Variants in UBASH3B observed in about 807,000 individuals in gnomAD.
UBASH3B encodes ubiquitin associated and SH3 domain containing B.
Under a neutral mutation model 83.4 loss-of-function variants are expected in UBASH3B, and 37 were observed. The ratio of observed to expected loss-of-function variants is 0.44; its 90% CI spans 0.34 to 0.58. The LOEUF (loss-of-function observed/expected upper bound fraction) is 0.58. UBASH3B is among the 20% of genes least tolerant of loss of function. The pLI, the probability that UBASH3B is intolerant of heterozygous loss-of-function variation, is 0.01. For missense variants in UBASH3B, 657 were observed against 827.2 expected (o/e 0.79, Z 2.52); for synonymous variants, 304 against 318.3 (o/e 0.96, Z 0.48).
chr11:122,736,428 C>T (rs956716645), intron 1 of UBASH3B, among the ~76,000 whole-genome samples: 2 of 151,548 alleles, frequency 1.3e-5, no homozygotes, highest in African/African-American at 4.9e-5. Flanking sequence ...GCCTTTTTCT[C>T]CAAGAAGTTC....
At chr11:122,738,564 A>T (rs1860972741) in intron 1 of UBASH3B, among the ~76,000 whole-genome samples, 1 of 152,216 alleles carries the variant, frequency 6.6e-6, no homozygotes, top group Non-Finnish European at 1.5e-5. Context: ...AAGAGGCAGG[A>T]AGAGCTACGG....
intron 1 of UBASH3B, among the ~76,000 whole-genome samples, chr11:122,766,533 A>G (rs546826569): frequency 6.6e-6 from 1 of 152,064 alleles, no homozygotes; most frequent in African/African-American, 2.4e-5. Context: ...CGACGGAGCC[A>G]GCGAGACTCC....
intron 1 of UBASH3B, among the ~76,000 whole-genome samples, chr11:122,683,256 AG>A (rs1479828101): frequency 2.1e-5 from 3 of 142,210 alleles, no homozygotes; most frequent in South Asian, 2.2e-4. Flanking sequence ...AAAAAAAAAA[AG>A]TCTTAGATGT....
chr11:122,770,462 T>G (rs1313914926), intron 1 of UBASH3B, among the ~76,000 whole-genome samples: 2 of 10,922 alleles, frequency 1.8e-4, no homozygotes, highest in African/African-American at 9.5e-4. Context: ...TCTTAAGTGT[T>G]TTTTTTTTTT....
At chr11:122,783,994 G>A (rs1320711730) in intron 5 of UBASH3B, among the ~76,000 whole-genome samples, 1 of 150,924 alleles carries the variant, frequency 6.6e-6, no homozygotes, top group Admixed American at 6.6e-5. Flanking sequence ...AGGCTGGAGT[G>A]CAATGGCACG....
At chr11:122,681,386 G>A (rs1863736432) in intron 1 of UBASH3B, among the ~76,000 whole-genome samples, 1 of 152,160 alleles carries the variant, frequency 6.6e-6, no homozygotes, top group Non-Finnish European at 1.5e-5. Flanking sequence ...GCTCACAGAG[G>A]AAATGGAGTT....
Position 122,806,490 on chromosome 11 carries a change from AAAT to A in UBASH3B, c.1682_1684del (p.Ile561del). 1 of 1,605,944 alleles carries A rather than the reference AAAT, an allele frequency of 6.2e-7. No individual in the cohort carries two copies. The highest frequency in any genetic ancestry group is 1.1e-5 in the South Asian group (1 of 88,384). ...AGTAGAAGTTTCCAAGTAACAAAAG[AAAT>A]AATAAGTGAATGTAAAAGTAAAGGT... On this transcript the variant is annotated inframe_deletion, in exon 12 of 14. Coordinates refer to ENST00000284273, the MANE Select transcript of UBASH3B (RefSeq NM_032873.5). The surrounding 1 kb of genome is among the most constrained non-coding windows in gnomAD (Gnocchi z 4.0).
At position 122,744,683 on chromosome 11, in the gene UBASH3B, GTT is replaced by G. The variant is rs369922399; in HGVS notation, c.162-31535_162-31534del. ...CAAATGTGTGTCACTGTGAGTGTGT[GTT>G]GTGGGTGTGATCACATGTGCAACTG... On this transcript the variant is annotated intron_variant, in intron 1 of 13. Transcript: ENST00000284273. Among the ~76,000 whole-genome samples the G allele has an allele frequency of 5.4e-3, 761 of 141,150 alleles. 9 individuals carry two copies. The highest frequency in any genetic ancestry group is 0.02 in the African/African-American group (728 of 37,002). The allele number at this position is 141,150 out of a possible 152,430, so 92.6% of individuals were successfully genotyped here.
At chr11:122,794,501 T>C (rs1861118700) in intron 6 of UBASH3B, among the ~76,000 whole-genome samples, 1 of 152,092 alleles carries the variant, frequency 6.6e-6, no homozygotes, top group Non-Finnish European at 1.5e-5. Flanking sequence ...CCGGCCTACC[T>C]CTAATTTATT....
intron 1 of UBASH3B, among the ~76,000 whole-genome samples, chr11:122,688,349 C>A (rs1184191567): frequency 6.6e-6 from 1 of 151,938 alleles, no homozygotes; most frequent in Non-Finnish European, 1.5e-5. Flanking sequence ...CTGTAACCTC[C>A]GCCTCCCTGA....
At chr11:122,731,609 C>G (rs1329721772) in intron 1 of UBASH3B, among the ~76,000 whole-genome samples, 3 of 152,118 alleles carry the variant, frequency 2.0e-5, no homozygotes, top group African/African-American at 7.2e-5. Context: ...TGTATCCAGA[C>G]TAGACAAAGG....
At chr11:122,716,087 G>C (rs562909552) in intron 1 of UBASH3B, among the ~76,000 whole-genome samples, 49 of 152,254 alleles carry the variant, frequency 3.2e-4, no homozygotes, top group Non-Finnish European at 6.6e-4. Context: ...TCGTGATGCA[G>C]TGTCCCTCTG....
intron 1 of UBASH3B, among the ~76,000 whole-genome samples, chr11:122,660,994 C>A (rs894802664): frequency 3.3e-5 from 5 of 151,990 alleles, no homozygotes; most frequent in African/African-American, 9.7e-5. Context: ...GTGTCACGGG[C>A]CTTTCCAAAG....
In UBASH3B at chr11:122,813,112, TA is replaced by T. The variant is rs1484838582; in HGVS notation, c.*3232del. ...AGATGATTTTGCAAAAAATAAAAAA[TA>T]AAAAATATGCCTTCTGGAGTGATGT... On this transcript the variant is annotated 3_prime_UTR_variant, in exon 14 of 14. Coordinates refer to ENST00000284273, the MANE Select transcript of UBASH3B (RefSeq NM_032873.5). 2.0e-5 allele frequency: 3 copies of T among 152,498 alleles called. No homozygotes were observed. Among genetic ancestry groups the T allele is most frequent in the African/African-American group, 7.2e-5 (3 of 41,446 alleles). The allele number at this position is 152,498 out of a possible 1,614,324, so 9.4% of individuals were successfully genotyped here.
chr11:122,657,390 GC>G (rs58305697), intron 1 of UBASH3B, among the ~76,000 whole-genome samples: 2 of 152,206 alleles, frequency 1.3e-5, no homozygotes, highest in African/African-American at 4.8e-5. Context: ...CCAGGTTCAA[GC>G]GATTCTCCCA....
intron 1 of UBASH3B, among the ~76,000 whole-genome samples, chr11:122,660,122 G>T (rs138123322): frequency 6.6e-6 from 1 of 152,332 alleles, no homozygotes; most frequent in East Asian, 1.9e-4. Flanking sequence ...CTCAAGCAGG[G>T]TGACCTCAGG....
chr11:122,715,233 CTG>C (rs1321423903), intron 1 of UBASH3B, among the ~76,000 whole-genome samples: 2 of 152,046 alleles, frequency 1.3e-5, no homozygotes, highest in African/African-American at 4.8e-5. Flanking sequence ...GCATGAGCCA[CTG>C]CGCCCAGCCG....
chr11:122,745,197 A>G (rs1894082), intron 1 of UBASH3B, among the ~76,000 whole-genome samples: 56,311 of 152,082 alleles, frequency 0.37, 10,794 homozygotes, highest in East Asian at 0.53. Context: ...ATAATTTCTT[A>G]CCACTCCAAA....
At chr11:122,771,278 G>C (rs760922810) in intron 1 of UBASH3B, among the ~76,000 whole-genome samples, 1 of 151,404 alleles carries the variant, frequency 6.6e-6, no homozygotes, top group Admixed American at 6.6e-5. Context: ...TGTCACCCAG[G>C]GTGGAGTGCA....
Sources: gnomAD v4.1 joint callset for allele counts (sites outside exome capture counted in the v4.1 genomes callset) on GRCh38, gnomAD v4.1.1 for gene constraint, Gnocchi (gnomAD v3.1) non-coding constraint, MANE v1.5 for transcripts, NCBI Gene and HGNC (gene_info 2026-07-23, HGNC 2026-07-21) for gene names.